The following XRCC6 variants were observed in gnomAD, a reference collection of about 807,000 sequenced individuals.
XRCC6 encodes the protein DNA repair protein Ku70.
A neutral mutation model predicts 65.7 loss-of-function variants in XRCC6; 5 were observed. The ratio of observed to expected loss-of-function variants is 0.08; its 90% CI spans 0.04 to 0.16. The LOEUF is 0.16. XRCC6 is among the 10% of genes least tolerant of loss of function. The probability of loss-of-function intolerance (pLI) is 1.00; values close to 1 mark genes in which losing one functional copy is unlikely to be tolerated. For synonymous variants in XRCC6, 270 were observed against 270.6 expected, an observed-to-expected ratio of 1.00 and a Z score of 0.02; for missense variants, 447 against 738.1, an observed-to-expected ratio of 0.61 and a Z score of 4.57.
intron 6 of XRCC6, among the ~76,000 whole-genome samples, chr22:41,643,102 G>C (rs1034162436): frequency 2.0e-5 from 3 of 152,182 alleles, no homozygotes; most frequent in African/African-American, 7.2e-5. Flanking sequence ...ATTGGAGACT[G>C]TTCTTTTCTG....
rs751831387 is a variant in XRCC6 at position 41,636,573 on chromosome 22, T to G, written c.392T>G (p.Phe131Cys). The change falls in exon 5 of 13, where the codon TTC (phenylalanine) becomes TGC (cysteine). Residue 131 changes from phenylalanine (F) to cysteine (C), a missense_variant. Phe to Cys is a radical substitution (Grantham distance 205). Coordinates refer to ENST00000360079, the MANE Select transcript of XRCC6 (RefSeq NM_001469.5). ...AAGGGGCAGCAGGGACAAAAACGTT[T>G]CCAAGACATGATGGGCCACGGATCT... is the stretch of plus-strand genomic sequence containing the variant. ...QFKGQQGQKRFQDMMGHGSDY... is the reference protein window; with the variant it reads ...QFKGQQGQKRCQDMMGHGSDY... 1.2e-6 allele frequency: 2 copies of G among 1,613,996 alleles called. No homozygotes were observed. The highest frequency in any genetic ancestry group is 1.7e-6 in the Non-Finnish European group (2 of 1,179,892).
intron 9 of XRCC6, among the ~76,000 whole-genome samples, chr22:41,656,528 A>AG (rs201388044): frequency 0.011 from 1,709 of 152,068 alleles, 33 homozygotes; most frequent in African/African-American, 0.04. Flanking sequence ...AAAAAAAAAA[A>AG]AGATGGAAAA....
chr22:41,655,329 T>G (rs2068035237), intron 9 of XRCC6, among the ~76,000 whole-genome samples: 1 of 141,504 alleles, frequency 7.1e-6, no homozygotes, highest in Non-Finnish European at 1.5e-5. Context: ...TCATTTTAGT[T>G]TTTTTTTTTT....
chr22:41,663,845 G>A lies in XRCC6; in HGVS notation c.*30G>A, dbSNP rs9653842. 1.9e-5 allele frequency: 31 copies of A among 1,599,914 alleles called. No individual in the cohort carries two copies. The Admixed American group carries it at 2.0e-4, about 10-fold the overall frequency. On this transcript the variant is annotated 3_prime_UTR_variant, in exon 13 of 13. Transcript: ENST00000360079. ...AGGCCGCGCGTCCAGCTGCCCTTCC[G>A]CAGTGTGGCCAGGCTGCCTGGCCTT...
In XRCC6 at chr22:41,621,990, T is replaced by C. The variant is rs368257845; in HGVS notation, c.-15T>C. 2.8e-5 allele frequency: 45 copies of C among 1,614,150 alleles called. No homozygotes were observed. Among genetic ancestry groups the C allele is most frequent in the Admixed American group, 1.7e-4 (10 of 60,012 alleles). On this transcript the variant is annotated splice_region_variant and 5_prime_UTR_variant, in exon 2 of 13. An upstream open reading frame in the 5' UTR loses its in-frame stop. Coordinates refer to ENST00000360079, the MANE Select transcript of XRCC6 (RefSeq NM_001469.5). The stretch of plus-strand genomic sequence containing the variant: ...ACTGACGTTAACGTCTTTCGCCTAG[T>C]GAGCAGTAGCCAACATGTCAGGGTG...
chr22:41,622,046 A>G lies in XRCC6; in HGVS notation c.42A>G (p.Glu14=). ...WESYYKTEGD[E]EAEEEQEENL... The stretch of plus-strand genomic sequence containing the variant: ...CATATTACAAAACCGAGGGCGATGA[A>G]GAAGCAGAGGAAGAACAAGAAGAGA... Residue 14 remains glutamate (E), a synonymous_variant, in exon 2 of 13, where the codon GAA becomes GAG. Coordinates refer to ENST00000360079, the MANE Select transcript of XRCC6 (RefSeq NM_001469.5). 1 of 1,614,272 alleles carries G rather than the reference A, an allele frequency of 6.2e-7. No individual in the cohort carries two copies. The highest frequency in any genetic ancestry group is 8.5e-7 in the Non-Finnish European group (1 of 1,180,042).
chr22:41,636,240 T>C lies in XRCC6; in HGVS notation c.323T>C (p.Leu108Pro), dbSNP rs1294103123. Reference sequence around the variant, plus strand: ...AAAAATATTTACGTCTTACAGGAGCTGGATAATCCAGGTCAGTAATATTTT... The same window carrying C: ...AAAAATATTTACGTCTTACAGGAGCCGGATAATCCAGGTCAGTAATATTTT... The part of the protein sequence containing the change: ...NFKNIYVLQE[L>P]DNPGAKRILE... The change falls in exon 4 of 13, where the codon CTG becomes CCG. Residue 108 changes from leucine to proline, a missense_variant. By Grantham distance (98) the Leu-to-Pro change is moderately conservative. Transcript: ENST00000360079. 1 of 1,593,306 alleles carries C rather than the reference T, an allele frequency of 6.3e-7. No individual in the cohort carries two copies. The highest frequency in any genetic ancestry group is 8.5e-7 in the Non-Finnish European group (1 of 1,174,324).
intron 3 of XRCC6, among the ~76,000 whole-genome samples, chr22:41,628,713 A>G (rs1342973473): frequency 1.3e-5 from 2 of 152,002 alleles, no homozygotes; most frequent in African/African-American, 2.4e-5. Flanking sequence ...GCTCATGTCT[A>G]TAATCCCAGC....
At chr22:41,640,775 G>A (rs983553382) in intron 6 of XRCC6, among the ~76,000 whole-genome samples, 2 of 152,118 alleles carry the variant, frequency 1.3e-5, no homozygotes, top group African/African-American at 4.8e-5. Flanking sequence ...GAAATGATGC[G>A]ATGTTGTTTA....
Position 41,663,919 on chromosome 22 carries a change from C to T in XRCC6, c.*104C>T. 7.9e-7 allele frequency: 1 copy of T among 1,259,656 alleles called. No individual in the cohort carries two copies. Among genetic ancestry groups the T allele is most frequent in the Admixed American group, 2.6e-5 (1 of 38,568 alleles). The allele number at this position is 1,259,656 out of a possible 1,614,324, so 78.0% of individuals were successfully genotyped here. On this transcript the variant is annotated 3_prime_UTR_variant, in exon 13 of 13. Coordinates refer to ENST00000360079, the MANE Select transcript of XRCC6 (RefSeq NM_001469.5). ...TTCTCCTGAGCTAGGAAGAGTCTACCCGACATAAGTCGAGGGACTTTATGT... is the reference window on the plus strand; with the variant it reads ...TTCTCCTGAGCTAGGAAGAGTCTACTCGACATAAGTCGAGGGACTTTATGT...
chr22:41,637,286 C>T lies in XRCC6; in HGVS notation c.590-322C>T, dbSNP rs548186107. Among the ~76,000 whole-genome samples, 11 of 152,038 alleles carry T rather than the reference C, an allele frequency of 7.2e-5. No individual in the cohort carries two copies. The East Asian group carries it at 1.2e-3, about 16-fold the overall frequency. ...TTTAGTAGAGATGGGGGTTTCACCACGTTGACCAGGCTGGTCTCGAACTCT... is the reference window on the plus strand; with the variant it reads ...TTTAGTAGAGATGGGGGTTTCACCATGTTGACCAGGCTGGTCTCGAACTCT... On this transcript the variant is annotated intron_variant, in intron 5 of 12. Coordinates refer to ENST00000360079, the MANE Select transcript of XRCC6 (RefSeq NM_001469.5).
chr22:41,653,458 CT>C, intron 8 of XRCC6, 70 bp from the exon 9 acceptor site: 4 of 1,424,912 alleles, frequency 2.8e-6, no homozygotes, highest in African/African-American at 1.4e-5. Context: ...GGAAGAGAAA[CT>C]TTAGGGCTAA....
chr22:41,651,172 C>G (rs1322203822), intron 8 of XRCC6, among the ~76,000 whole-genome samples: 3 of 151,942 alleles, frequency 2.0e-5, no homozygotes, highest in Non-Finnish European at 2.9e-5. Context: ...GTGGCTTGCG[C>G]CTGTGATCCC....
In XRCC6 at chr22:41,657,049, C is replaced by A; in HGVS notation, c.1421+17C>A. 1 of 1,546,848 alleles carries A rather than the reference C, an allele frequency of 6.5e-7. No homozygotes were observed. On this transcript the variant is annotated intron_variant, in intron 10 of 12. Coordinates refer to ENST00000360079, the MANE Select transcript of XRCC6 (RefSeq NM_001469.5). ...CACATACAGGTGAGTCAATCTCAGGCTTTCTGGAACTGCCTCCTGAGTTGA... is the reference window on the plus strand; with the variant it reads ...CACATACAGGTGAGTCAATCTCAGGATTTCTGGAACTGCCTCCTGAGTTGA...
At chr22:41,629,618 T>C (rs1158596295) in intron 3 of XRCC6, among the ~76,000 whole-genome samples, 11 of 152,142 alleles carry the variant, frequency 7.2e-5, no homozygotes. Context: ...GAACTAGAGT[T>C]GGTAGTTGCA....
intron 3 of XRCC6, among the ~76,000 whole-genome samples, chr22:41,634,487 G>A (rs988200477): frequency 4.1e-5 from 6 of 147,342 alleles, no homozygotes; most frequent in Non-Finnish European, 9.0e-5. Flanking sequence ...TACCTGGCCC[G>A]AAGACTTAAT....
chr22:41,663,326 T>C (rs1388464448), intron 12 of XRCC6, among the ~76,000 whole-genome samples: 2 of 152,154 alleles, frequency 1.3e-5, no homozygotes, highest in Non-Finnish European at 2.9e-5. Context: ...GTCATGAACC[T>C]GTAAAAGATT....
chr22:41,627,396 A>C (rs2067689905), intron 2 of XRCC6, among the ~76,000 whole-genome samples: 2 of 151,990 alleles, frequency 1.3e-5, no homozygotes, highest in Non-Finnish European at 2.9e-5. Context: ...GGATCACCTG[A>C]GGCCGGGAGT....
At chr22:41,657,244 A>G (rs1382277675) in intron 10 of XRCC6, among the ~76,000 whole-genome samples, 3 of 152,226 alleles carry the variant, frequency 2.0e-5, no homozygotes, top group African/African-American at 7.2e-5. Flanking sequence ...GTTGTGCTGT[A>G]CTTAGCCAGA....
Sources: allele counts gnomAD v4.1 joint callset (sites outside exome capture counted in the v4.1 genomes callset), GRCh38; gene constraint gnomAD v4.1.1; transcripts MANE v1.5; gene names NCBI Gene and HGNC (gene_info 2026-07-23, HGNC 2026-07-21).